Variants in HSPA9 observed in about 807,000 individuals in gnomAD.
HSPA9 encodes stress-70 protein, mitochondrial.
A neutral mutation model predicts 81.5 loss-of-function variants in HSPA9; 28 were observed. The observed-to-expected ratio is 0.34, with a 90% CI of 0.25 to 0.47. HSPA9 has a LOEUF of 0.47. Ranked by LOEUF, HSPA9 falls within the 20% of genes least tolerant of loss-of-function variation. HSPA9 has a pLI of 1.00. For missense variants in HSPA9, 678 were observed against 838.0 expected, an observed-to-expected ratio of 0.81 and a Z score of 2.36; for synonymous variants, 293 against 290.4, an observed-to-expected ratio of 1.01 and a Z score of -0.09.
chr5:138,574,025 T>C (rs774969290), intron 2 of HSPA9, 43 bp downstream of exon 2: 1 of 1,489,748 alleles, frequency 6.7e-7, no homozygotes, highest in Non-Finnish European at 9.4e-7. Context: ...TGCTTTGAAG[T>C]TTAATATGTA....
At chr5:138,567,332 G>GA in intron 7 of HSPA9, 123 bp downstream of exon 7, 4 of 1,045,562 alleles carry the variant, frequency 3.8e-6, no homozygotes, top group South Asian at 1.4e-5. Context: ...GTTTTGAAAT[G>GA]AAAAAACAAA....
chr5:138,563,593 G>C (rs1750702178), intron 9 of HSPA9, among the ~76,000 whole-genome samples: 1 of 152,106 alleles, frequency 6.6e-6, no homozygotes, highest in South Asian at 2.1e-4. Flanking sequence ...TCCAGCCAAA[G>C]GGCTTTTCAC....
Position 138,553,907 on chromosome 5 carries a change from G to C in HSPA9, c.*2130C>G, listed in dbSNP as rs1269034739. Among the ~76,000 whole-genome samples, 1 of 152,038 alleles carries C rather than the reference G, an allele frequency of 6.6e-6. No homozygotes were observed. Among genetic ancestry groups the C allele is most frequent in the African/African-American group, 2.4e-5 (1 of 41,350 alleles). On this transcript the variant is annotated 3_prime_UTR_variant, in exon 17 of 17. Coordinates refer to ENST00000297185, the MANE Select transcript of HSPA9 (RefSeq NM_004134.7). ...AGTGGACATCATCTAATCAGTTAAG[G>C]GCCTATATAGAACTGCCAGAGCTAA...
intron 3 of HSPA9, 58 bp from the exon 4 acceptor site, chr5:138,571,199 G>A: frequency 6.5e-7 from 1 of 1,542,712 alleles, no homozygotes; most frequent in Non-Finnish European, 8.9e-7. Flanking sequence ...TATGTTTTTT[G>A]AGATGGAGTC....
Position 138,561,695 on chromosome 5 carries a change from G to C in HSPA9, c.1067C>G (p.Thr356Ser). Residue 356 changes from threonine (T) to serine (S), a missense_variant, in exon 10 of 17, where the codon ACT becomes AGT. Coordinates refer to ENST00000297185, the MANE Select transcript of HSPA9 (RefSeq NM_004134.7). The part of the protein sequence containing the change: ...LTRAQFEGIV[T>S]DLIRRTIAPC... ...AGCGATAGTCCTTCTGATTAGATCA[G>C]TGACAATCCCTTCAAATTGAGCACG... 1 of 1,614,074 alleles carries C rather than the reference G, an allele frequency of 6.2e-7. No homozygotes were observed. Among genetic ancestry groups the C allele is most frequent in the East Asian group, 2.2e-5 (1 of 44,882 alleles).
At chr5:138,561,410 A>AT (rs1230291304) in intron 10 of HSPA9, among the ~76,000 whole-genome samples, 170 bp downstream of exon 10, 1 of 152,066 alleles carries the variant, frequency 6.6e-6, no homozygotes, top group Non-Finnish European at 1.5e-5. Context: ...TGCCCAGCCT[A>AT]TTTTTCAATT....
chr5:138,570,873 C>G, intron 4 of HSPA9, 87 bp downstream of exon 4: 1 of 1,133,346 alleles, frequency 8.8e-7, no homozygotes, highest in Non-Finnish European at 1.3e-6. Context: ...GTAAGGTGCT[C>G]CAGGGATCCT....
chr5:138,573,777 C>T lies in HSPA9; in HGVS notation c.214G>A (p.Gly72Ser). The T allele has an allele frequency of 2.5e-6, 4 of 1,605,054 alleles. No individual in the cohort carries two copies. The highest frequency in any genetic ancestry group is 3.4e-6 in the Non-Finnish European group (4 of 1,173,490). The change falls in exon 3 of 17, where the codon GGT (glycine) becomes AGT (serine). Residue 72 changes from glycine (G) to serine (S), a missense_variant. This residue lies in a region of HSPA9 where 484 missense variants were observed against 647.5 expected (regional missense o/e 0.75). Transcript: ENST00000297185. Reference protein sequence around the residue: ...TTNSCVAVMEGKQAKVLENAE... With the variant: ...TTNSCVAVMESKQAKVLENAE... ...ATCATGCTCACCTTTGCTTGTTTAC[C>T]TTCCATAACTGCCACGCAGGAGTTG...
At position 138,568,988 on chromosome 5, in the gene HSPA9, C is replaced by T. The variant is rs1302021203; in HGVS notation, c.472G>A (p.Gly158Arg). The change falls in exon 5 of 17, where the codon GGG becomes AGG. Residue 158 changes from glycine (G) to arginine (R), a missense_variant. Gly to Arg is a moderately radical substitution (Grantham distance 125). Around this residue, in one of 4 missense-constraint regions of HSPA9, gnomAD observed 484 missense variants for 647.5 expected, o/e 0.75. Transcript: ENST00000297185. ...SNGDAWVEAH[G>R]KLYSPSQIGA... is the part of the protein sequence containing the mutation. ...ATCTGACTCGGAGAATACAATTTCC[C>T]ATGAGCCTCAACCCAGGCATCACCA... is the stretch of plus-strand genomic sequence containing the variant. 1 of 1,613,972 alleles carries T rather than the reference C, an allele frequency of 6.2e-7. No homozygotes were observed. The highest frequency in any genetic ancestry group is 1.7e-5 in the Admixed American group (1 of 60,018).
chr5:138,556,658 T>A, intron 15 of HSPA9, 66 bp from the exon 16 acceptor site: 1 of 1,580,646 alleles, frequency 6.3e-7, no homozygotes, highest in Admixed American at 1.7e-5. Context: ...GTAGAAGTAC[T>A]ATTTAGAAAC....
At chr5:138,558,804 G>A in intron 11 of HSPA9, 147 bp from the exon 12 acceptor site, 1 of 673,558 alleles carries the variant, frequency 1.5e-6, no homozygotes. Flanking sequence ...GTCTTTATAG[G>A]GAATAGAAGT....
In HSPA9 at chr5:138,573,848, G is replaced by A. The variant is rs1381447201; in HGVS notation, c.143C>T (p.Ser48Leu). Residue 48 changes from serine (S) to leucine (L), a missense_variant and splice_region_variant, in exon 3 of 17, where the codon TCA (serine) becomes TTA (leucine). This residue lies in a region of HSPA9 where 89 missense variants were observed against 70.4 expected (regional missense o/e 1.27). Coordinates refer to ENST00000297185, the MANE Select transcript of HSPA9 (RefSeq NM_004134.7). ...AACAACTGCTCCCTTGATTGCTTCT[G>A]ATCTGTAAGACATTTAGAACAGTGT... ...FRLVSRRDYASEAIKGAVVGI... is the reference protein window; with the variant it reads ...FRLVSRRDYALEAIKGAVVGI... 6.2e-7 allele frequency: 1 copy of A among 1,608,726 alleles called. No homozygotes were observed. Among genetic ancestry groups the A allele is most frequent in the Non-Finnish European group, 8.5e-7 (1 of 1,175,348 alleles).
chr5:138,561,820 C>G (rs372317392), intron 9 of HSPA9, 31 bp from the exon 10 acceptor site: 8 of 1,506,892 alleles, frequency 5.3e-6, no homozygotes, highest in Non-Finnish European at 7.4e-6. Context: ...TGCATGTCAG[C>G]GAGCAGGCCA....
intron 13 of HSPA9, 93 bp downstream of exon 13, chr5:138,557,776 C>T: frequency 1.2e-6 from 1 of 841,818 alleles, no homozygotes; most frequent in South Asian, 1.3e-5. Context: ...AATCTGATAA[C>T]TGAGGGGCAA....
rs184962492 is a variant in HSPA9, at chr5:138,556,175, T to C, written c.1963-61A>G. ...ACGTTAGAGCTAACCATTTGCTCTTTGTTGCACTCCAAGATGAGGGACCCA... is the reference window on the plus strand; with the variant it reads ...ACGTTAGAGCTAACCATTTGCTCTTCGTTGCACTCCAAGATGAGGGACCCA... On this transcript the variant is annotated intron_variant, in intron 16 of 16. Transcript: ENST00000297185. 9.0e-5 allele frequency: 124 copies of C among 1,372,060 alleles called. No individual in the cohort carries two copies. In the African/African-American group the frequency reaches 1.3e-3, roughly 15 times the overall value. The allele number at this position is 1,372,060 out of a possible 1,614,324, so 85.0% of individuals were successfully genotyped here. A position where few individuals can be genotyped will look rare whatever the true frequency, so the allele number is the denominator to read the frequency against.
chr5:138,573,987 G>T, intron 2 of HSPA9, 81 bp downstream of exon 2: 2 of 501,320 alleles, frequency 4.0e-6, no homozygotes, highest in Non-Finnish European at 5.4e-6. Flanking sequence ...TAATTACAGA[G>T]AAGAATAATC....
chr5:138,558,642 C>A lies in HSPA9; in HGVS notation c.1426G>T (p.Ala476Ser). ...ATTTCCACTTGCGTTTGACCATCAG[C>A]GGCAGTAGAGAATACCTAGGGAAGA... is the stretch of plus-strand genomic sequence containing the variant. The part of the protein sequence containing the change: ...TKKSQVFSTA[A>S]DGQTQVEIKV... Residue 476 changes from alanine (A) to serine (S), a missense_variant, in exon 12 of 17, where the codon GCT becomes TCT. Physicochemically the swap from Ala to Ser is moderately conservative, Grantham distance 99. This residue lies in a region of HSPA9 where 484 missense variants were observed against 647.5 expected (regional missense o/e 0.75). Transcript: ENST00000297185. 2 of 1,611,988 alleles carry A rather than the reference C, an allele frequency of 1.2e-6. No individual in the cohort carries two copies. The highest frequency in any genetic ancestry group is 1.7e-6 in the Non-Finnish European group (2 of 1,178,188).
At chr5:138,561,358 C>G (rs1750656232) in intron 10 of HSPA9, among the ~76,000 whole-genome samples, 3 of 152,324 alleles carry the variant, frequency 2.0e-5, no homozygotes, top group South Asian at 4.1e-4. Context: ...ATCTGCCCGC[C>G]TCAGCCTCCC....
chr5:138,556,022 A>C lies in HSPA9; in HGVS notation c.*15T>G. On this transcript the variant is annotated 3_prime_UTR_variant, in exon 17 of 17. Coordinates refer to ENST00000297185, the MANE Select transcript of HSPA9 (RefSeq NM_004134.7). Reference sequence around the variant, plus strand: ...TTCATATGTTGTCCTTCTGGCTTCAAAATTTCTGCTATTATTACTGTTTTT... The same window carrying C: ...TTCATATGTTGTCCTTCTGGCTTCACAATTTCTGCTATTATTACTGTTTTT... 1 of 1,596,710 alleles carries C rather than the reference A, an allele frequency of 6.3e-7. No individual in the cohort carries two copies. Among genetic ancestry groups the C allele is most frequent in the Non-Finnish European group, 8.6e-7 (1 of 1,164,576 alleles).
Sources: allele counts gnomAD v4.1 joint callset (sites outside exome capture counted in the v4.1 genomes callset), GRCh38; gene constraint gnomAD v4.1.1; regional missense constraint gnomAD v4.1.1; transcripts MANE v1.5; gene names NCBI Gene and HGNC (gene_info 2026-07-23, HGNC 2026-07-21).